Variants in SLC25A17 observed in about 807,000 individuals in gnomAD.
SLC25A17 encodes the protein solute carrier family 25 member 17, also known as peroxisomal membrane protein PMP34.
A neutral mutation model predicts 38.5 loss-of-function variants in SLC25A17; 26 were observed. The ratio of observed to expected loss-of-function variants is 0.68; its 90% CI spans 0.50 to 0.94. The LOEUF is 0.94. SLC25A17 is among the 40% of genes least tolerant of loss of function. SLC25A17 has a pLI of 0.00. For missense variants in SLC25A17, 333 were observed against 372.7 expected (o/e 0.89, Z 0.88); for synonymous variants, 139 against 136.2 (o/e 1.02, Z -0.14).
intron 2 of SLC25A17, among the ~76,000 whole-genome samples, chr22:40,795,654 A>G (rs569831541): frequency 1.1e-4 from 16 of 152,288 alleles, no homozygotes; most frequent in African/African-American, 3.6e-4. Context: ...TAATGTATAT[A>G]TTTTCTCATT....
At chr22:40,771,339 T>A (rs918051091) in intron 8 of SLC25A17, among the ~76,000 whole-genome samples, 1 of 152,174 alleles carries the variant, frequency 6.6e-6, no homozygotes, top group Non-Finnish European at 1.5e-5. Flanking sequence ...CTCGATCCCC[T>A]GACCTCGTGA....
In SLC25A17 at chr22:40,770,762, A is replaced by G; in HGVS notation, c.*72T>C. 1.4e-6 allele frequency: 2 copies of G among 1,470,320 alleles called. No homozygotes were observed. The highest frequency in any genetic ancestry group is 1.8e-6 in the Non-Finnish European group (2 of 1,086,650). 91.1% of individuals were successfully genotyped at this position (1,470,320 alleles called of 1,614,324 possible). A position where few individuals can be genotyped will look rare whatever the true frequency, so the allele number is the denominator to read the frequency against. On this transcript the variant is annotated 3_prime_UTR_variant, in exon 9 of 9. Coordinates refer to ENST00000435456, the MANE Select transcript of SLC25A17 (RefSeq NM_006358.4). ...TGGTGGCAGGAGCCAGAGTCAAGGG[A>G]GAATCACTTCTCTTCACTCAGGAGG...
At chr22:40,773,007 A>G (rs1312765045) in intron 8 of SLC25A17, among the ~76,000 whole-genome samples, 1 of 152,192 alleles carries the variant, frequency 6.6e-6, no homozygotes, top group African/African-American at 2.4e-5. Flanking sequence ...ATAAAGTTAT[A>G]AGAGCTTTTG....
intron 2 of SLC25A17, chr22:40,797,153 C>A: frequency 2.2e-6 from 1 of 447,450 alleles, no homozygotes; most frequent in Non-Finnish European, 4.5e-6. Flanking sequence ...ATTTTCACTG[C>A]ACTGTATACC....
At chr22:40,778,579 TA>T (rs766849447) in intron 5 of SLC25A17, among the ~76,000 whole-genome samples, 15 of 152,232 alleles carry the variant, frequency 9.9e-5, no homozygotes, top group Non-Finnish European at 2.1e-4. Context: ...TATTTTTTTT[TA>T]ATTATACTTT....
intron 1 of SLC25A17, among the ~76,000 whole-genome samples, chr22:40,812,111 T>C (rs550469055): frequency 3.3e-5 from 5 of 152,128 alleles, no homozygotes; most frequent in Non-Finnish European, 7.4e-5. Context: ...CCCAGGCTGG[T>C]CTCAAACTCC....
chr22:40,813,354 A>G (rs1163750631), intron 1 of SLC25A17, among the ~76,000 whole-genome samples: 2 of 152,078 alleles, frequency 1.3e-5, no homozygotes, highest in Non-Finnish European at 2.9e-5. Flanking sequence ...CCTGGCCAAC[A>G]CGGTGAGACC....
intron 1 of SLC25A17, among the ~76,000 whole-genome samples, chr22:40,804,774 C>T (rs541079696): frequency 1.3e-5 from 2 of 152,164 alleles, no homozygotes; most frequent in East Asian, 1.9e-4. Flanking sequence ...GGAGAGCCTC[C>T]GGGTCTGTGT....
chr22:40,792,518 T>C lies in SLC25A17; in HGVS notation c.334+7A>G. On this transcript the variant is annotated splice_region_variant and intron_variant, in intron 4 of 8. Coordinates refer to ENST00000435456, the MANE Select transcript of SLC25A17 (RefSeq NM_006358.4). The stretch of plus-strand genomic sequence containing the variant: ...AAAAACATTTTATACCCAGAAAACC[T>C]TGTTACCTGCAACAAACCCAACTAC... 1 of 1,595,598 alleles carries C rather than the reference T, an allele frequency of 6.3e-7. No individual in the cohort carries two copies. The highest frequency in any genetic ancestry group is 8.5e-7 in the Non-Finnish European group (1 of 1,170,720).
In SLC25A17 at chr22:40,777,335, C is replaced by T. The variant is rs2057254891; in HGVS notation, c.490G>A (p.Ala164Thr). Reference protein sequence around the residue: ...HQIIRDEGISALWNGTFPSLL... With the variant: ...HQIIRDEGISTLWNGTFPSLL... ...GAGGGAAATGTGCCATTCCATAAAG[C>T]CGAGATTCCTTCATCGCGAATGATC... Residue 164 changes from alanine (A) to threonine (T), a missense_variant, in exon 6 of 9, where the codon GCT becomes ACT. By Grantham distance (58) the Ala-to-Thr change is moderately conservative (BLOSUM62 0). Transcript: ENST00000435456. 3 of 1,613,928 alleles carry T rather than the reference C, an allele frequency of 1.9e-6. No homozygotes were observed. The South Asian group carries it at 3.3e-5, about 18-fold the overall frequency.
Position 40,792,507 on chromosome 22 carries a change from C to T in SLC25A17, c.334+18G>A, listed in dbSNP as rs1444156613. 2.5e-6 allele frequency: 4 copies of T among 1,573,290 alleles called. No individual in the cohort carries two copies. The highest frequency in any genetic ancestry group is 2.7e-5 in the African/African-American group (2 of 73,420). ...AAGGTAAATATAAAAACATTTTATA[C>T]CCAGAAAACCTTGTTACCTGCAACA... is the stretch of plus-strand genomic sequence containing the variant. On this transcript the variant is annotated intron_variant, in intron 4 of 8. Transcript: ENST00000435456.
chr22:40,810,506 C>A (rs2057570804), intron 1 of SLC25A17, among the ~76,000 whole-genome samples: 1 of 152,020 alleles, frequency 6.6e-6, no homozygotes, highest in Admixed American at 6.6e-5. Flanking sequence ...CGCCACTACG[C>A]CCGGCTGATT....
At chr22:40,774,724 A>C (rs1271964278) in intron 7 of SLC25A17, among the ~76,000 whole-genome samples, 1 of 152,208 alleles carries the variant, frequency 6.6e-6, no homozygotes. Context: ...TTATGTGTTT[A>C]CATTATAAAA....
chr22:40,816,015 C>T (rs1311574628), intron 1 of SLC25A17, among the ~76,000 whole-genome samples: 7 of 151,956 alleles, frequency 4.6e-5, no homozygotes, highest in South Asian at 2.1e-4. Flanking sequence ...GGAGAAACCC[C>T]GTCTCTACTG....
chr22:40,813,536 T>C (rs1356461499), intron 1 of SLC25A17, among the ~76,000 whole-genome samples: 4 of 146,950 alleles, frequency 2.7e-5, no homozygotes, highest in Admixed American at 6.8e-5. Context: ...AGACTCTGTA[T>C]AAAAAAAAAA....
chr22:40,776,915 CAGAT>C (rs2057248965), intron 7 of SLC25A17, 121 bp downstream of exon 7: 8 of 815,440 alleles, frequency 9.8e-6, no homozygotes, highest in Non-Finnish European at 1.5e-5. Context: ...AGAAAAAAAA[CAGAT>C]AGGGAATATT....
At chr22:40,799,575 T>C in intron 1 of SLC25A17, 1 of 152,382 alleles carries the variant, frequency 6.6e-6, no homozygotes, top group Non-Finnish European at 1.5e-5. Flanking sequence ...TTAGCCAGGA[T>C]GGTCTCGATC....
chr22:40,792,664 A>C lies in SLC25A17; in HGVS notation c.195T>G (p.Tyr65Ter), dbSNP rs1407063526. The C allele has an allele frequency of 6.2e-7, 1 of 1,614,078 alleles. No individual in the cohort carries two copies. The highest frequency in any genetic ancestry group is 8.5e-7 in the Non-Finnish European group (1 of 1,179,968). ...TGGAAATCACTGGAAACCACCCTCGATATGGTGCCAGGCTAGGGGAAAAAC... is the reference window on the plus strand; with the variant it reads ...TGGAAATCACTGGAAACCACCCTCGCTATGGTGCCAGGCTAGGGGAAAAAC... ...IIKEEGLLAP[Y>*]RGWFPVISSL... The change falls in exon 4 of 9, where the codon TAT (tyrosine) becomes TAG (stop). Residue 65 changes from tyrosine (Y) to a stop codon, truncating the protein, a stop_gained. Transcript: ENST00000435456. LOFTEE classifies it high-confidence loss of function.
chr22:40,817,049 G>C (rs1331154645), intron 1 of SLC25A17, among the ~76,000 whole-genome samples: 1 of 152,166 alleles, frequency 6.6e-6, no homozygotes, highest in Non-Finnish European at 1.5e-5. Context: ...AACATTTATT[G>C]CAAGAAGGAA....
Sources: allele counts gnomAD v4.1 joint callset (sites outside exome capture counted in the v4.1 genomes callset), GRCh38; gene constraint gnomAD v4.1.1; transcripts MANE v1.5; gene names NCBI Gene and HGNC (gene_info 2026-07-23, HGNC 2026-07-21).